TAFA5: variants seen among roughly 807,000 people sequenced by gnomAD.
TAFA5 encodes TAFA chemokine like family member 5, also known as chemokine-like protein TAFA-5.
TAFA5 carries 6 observed loss-of-function variants against 15.3 expected under a neutral mutation model. The ratio of observed to expected loss-of-function variants is 0.39; its 90% CI spans 0.21 to 0.77. The LOEUF (loss-of-function observed/expected upper bound fraction) is 0.77, where lower values mean the gene tolerates loss of function less well. Ranked by LOEUF, TAFA5 falls within the 30% of genes least tolerant of loss-of-function variation. The probability of loss-of-function intolerance (pLI) is 0.41; values close to 1 mark genes in which losing one functional copy is unlikely to be tolerated. For synonymous variants in TAFA5, 103 were observed against 80.7 expected (o/e 1.28, Z -1.48); for missense variants, 161 against 193.1 (o/e 0.83, Z 0.98).
At chr22:48,532,815 G>C (rs954908270) in intron 1 of TAFA5, among the ~76,000 whole-genome samples, 1 of 152,232 alleles carries the variant, frequency 6.6e-6, no homozygotes, top group Non-Finnish European at 1.5e-5. Flanking sequence ...CTCCCATCGG[G>C]AAGACGGGCT....
intron 1 of TAFA5, among the ~76,000 whole-genome samples, chr22:48,586,248 G>C (rs1197182307): frequency 6.6e-6 from 1 of 152,260 alleles, no homozygotes; most frequent in East Asian, 1.9e-4. Context: ...TATGACCCCA[G>C]GCAGAGGTGG....
In TAFA5 at chr22:48,560,214, G is replaced by T. The variant is rs143851315; in HGVS notation, c.112+70510G>T. ...ACGGGAGCCTGTCAGTTTCTGGGCG[G>T]GGGTGTGATGTGGCTGAGGCGTCTG... On this transcript the variant is annotated intron_variant, in intron 1 of 3. Transcript: ENST00000402357. The surrounding 1 kb of genome is among the most constrained non-coding windows in gnomAD (Gnocchi z 4.2). Among the ~76,000 whole-genome samples the T allele has an allele frequency of 4.3e-3, 660 of 152,346 alleles. 2 individuals carry two copies. The highest frequency in any genetic ancestry group is 0.014 in the African/African-American group (564 of 41,574).
intron 3 of TAFA5, among the ~76,000 whole-genome samples, chr22:48,716,438 T>C (rs970239957): frequency 6.6e-6 from 1 of 152,172 alleles, no homozygotes; most frequent in African/African-American, 2.4e-5. Flanking sequence ...GAACACCACG[T>C]GTTCTCACTC....
At chr22:48,533,573 G>A (rs1211733199) in intron 1 of TAFA5, among the ~76,000 whole-genome samples, 3 of 152,142 alleles carry the variant, frequency 2.0e-5, no homozygotes, top group African/African-American at 4.8e-5. Context: ...ATTCTGAAAC[G>A]CCAGGAAGGG....
chr22:48,646,855 C>A, intron 2 of TAFA5, 109 bp downstream of exon 2: 1 of 1,342,240 alleles, frequency 7.5e-7, no homozygotes, highest in Non-Finnish European at 1.0e-6. Flanking sequence ...GGCCTCAGCG[C>A]ATCCTCGGGT....
At chr22:48,534,795 C>T (rs1218587711) in intron 1 of TAFA5, among the ~76,000 whole-genome samples, 1 of 152,176 alleles carries the variant, frequency 6.6e-6, no homozygotes, top group East Asian at 1.9e-4. Flanking sequence ...GCGGGCTCTG[C>T]TGCAGGTCAG....
chr22:48,740,829 T>A (rs1021030444), intron 3 of TAFA5, among the ~76,000 whole-genome samples: 1 of 152,152 alleles, frequency 6.6e-6, no homozygotes, highest in African/African-American at 2.4e-5. Flanking sequence ...ACAATTGCCC[T>A]GTTCTCAGGG....
Position 48,489,661 on chromosome 22 carries a change from C to G in TAFA5, c.69C>G (p.Phe23Leu). The G allele has an allele frequency of 6.5e-7, 1 of 1,532,254 alleles. No homozygotes were observed. The highest frequency in any genetic ancestry group is 8.8e-7 in the Non-Finnish European group (1 of 1,139,992). The allele number at this position is 1,532,254 out of a possible 1,614,324, so 94.9% of individuals were successfully genotyped here. ...CCCTGCCCAGCATGTCCTCAACTTT[C>G]TGGGCGTTCATGATCCTGGCCAGCC... is the stretch of plus-strand genomic sequence containing the variant. ...ATALPSMSST[F>L]WAFMILASLL... Residue 23 changes from phenylalanine (F) to leucine (L), a missense_variant, in exon 1 of 4, where the codon TTC (phenylalanine) becomes TTG (leucine). Coordinates refer to ENST00000402357, the MANE Select transcript of TAFA5 (RefSeq NM_001082967.3). The surrounding 1 kb of genome is among the most constrained non-coding windows in gnomAD (Gnocchi z 5.5).
intron 1 of TAFA5, among the ~76,000 whole-genome samples, chr22:48,533,354 G>A (rs1418050639): frequency 6.6e-6 from 1 of 152,226 alleles, no homozygotes; most frequent in Non-Finnish European, 1.5e-5. Context: ...TGTGTCTGCA[G>A]AAGGCGACCC....
rs1439227475 is a variant in TAFA5 at position 48,633,557 on chromosome 22, T to TCTCTCC, written c.113-13039_113-13038insTCTCCC. On this transcript the variant is annotated intron_variant, in intron 1 of 3. Coordinates refer to ENST00000402357, the MANE Select transcript of TAFA5 (RefSeq NM_001082967.3). ...GTCTCTCCCTCTCTCTCTCTCTCTCTCCATCTCTCCATGCTTTGCTCTGTA... is the reference window on the plus strand; with the variant it reads ...GTCTCTCCCTCTCTCTCTCTCTCTCTCTCTCCCCATCTCTCCATGCTTTGCTCTGTA... Among the ~76,000 whole-genome samples the TCTCTCC allele has an allele frequency of 2.0e-5, 3 of 150,830 alleles. No homozygotes were observed. The East Asian group carries it at 5.9e-4, about 30-fold the overall frequency.
chr22:48,587,915 T>C (rs1244854965), intron 1 of TAFA5, among the ~76,000 whole-genome samples: 1 of 152,230 alleles, frequency 6.6e-6, no homozygotes, highest in Non-Finnish European at 1.5e-5. Context: ...CAGCCCTCCC[T>C]CCCAGGCTGA....
At chr22:48,544,868 G>A (rs960607336) in intron 1 of TAFA5, 1 of 471,194 alleles carries the variant, frequency 2.1e-6, no homozygotes, top group Admixed American at 2.3e-5. Context: ...GAGGGATCCT[G>A]AAGTAAGCCA....
chr22:48,709,365 C>T (rs1385704366), intron 3 of TAFA5, among the ~76,000 whole-genome samples: 1 of 151,816 alleles, frequency 6.6e-6, no homozygotes, highest in Non-Finnish European at 1.5e-5. Flanking sequence ...CTTACTGCTA[C>T]CTGTCTGCAG....
At chr22:48,721,065 C>T (rs1220763567) in intron 3 of TAFA5, among the ~76,000 whole-genome samples, 1 of 152,202 alleles carries the variant, frequency 6.6e-6, no homozygotes, top group African/African-American at 2.4e-5. Context: ...CCTGACAGCC[C>T]CACTGTGTGG....
intron 1 of TAFA5, among the ~76,000 whole-genome samples, chr22:48,605,911 A>T (rs1224137697): frequency 1.3e-5 from 2 of 152,156 alleles, no homozygotes; most frequent in African/African-American, 4.8e-5. Flanking sequence ...AGAGTCCCTC[A>T]TGGGTTCACA....
At chr22:48,660,643 C>A (rs6010566) in intron 2 of TAFA5, among the ~76,000 whole-genome samples, 2 of 151,890 alleles carry the variant, frequency 1.3e-5, no homozygotes, top group African/African-American at 2.4e-5. Context: ...ATCTCAGCAC[C>A]TCGTGGAGGC....
In TAFA5 at chr22:48,731,623, G is replaced by T. The variant is rs73441807; in HGVS notation, c.391-18216G>T. Among the ~76,000 whole-genome samples, 722 of 152,316 alleles carry T rather than the reference G, an allele frequency of 4.7e-3. 6 individuals carry two copies. Among genetic ancestry groups the T allele is most frequent in the African/African-American group, 0.014 (591 of 41,568 alleles). ...CTACTCCGCCTGTGCTCCATACAACGTACAACACGGCCTGGATGGCAGCAC... is the reference window on the plus strand; with the variant it reads ...CTACTCCGCCTGTGCTCCATACAACTTACAACACGGCCTGGATGGCAGCAC... On this transcript the variant is annotated intron_variant, in intron 3 of 3. Coordinates refer to ENST00000402357, the MANE Select transcript of TAFA5 (RefSeq NM_001082967.3).
chr22:48,697,723 G>T (rs9617421), intron 2 of TAFA5, among the ~76,000 whole-genome samples: 41,500 of 151,776 alleles, frequency 0.27, 5,920 homozygotes, highest in Non-Finnish European at 0.3. Context: ...TGGTGATGGT[G>T]ATGATCATGG....
intron 2 of TAFA5, chr22:48,693,202 G>T: frequency 8.1e-7 from 1 of 1,241,612 alleles, no homozygotes. Context: ...CCTCAGTGAC[G>T]GGGCCTCACT....
Sources: gnomAD v4.1 joint callset for allele counts (sites outside exome capture counted in the v4.1 genomes callset) on GRCh38, gnomAD v4.1.1 for gene constraint, Gnocchi (gnomAD v3.1) non-coding constraint, MANE v1.5 for transcripts, NCBI Gene and HGNC (gene_info 2026-07-23, HGNC 2026-07-21) for gene names.